The following HDX variants were observed in gnomAD, a reference collection of about 807,000 sequenced individuals.
HDX encodes the protein chromosome X open reading frame 43.
A neutral mutation model predicts 45.2 loss-of-function variants in HDX; 19 were observed. The observed-to-expected ratio is 0.42, with a 90% CI of 0.29 to 0.62. The LOEUF is 0.62. Ranked by LOEUF, HDX falls within the 20% of genes least tolerant of loss-of-function variation. HDX has a pLI of 0.20. For synonymous variants in HDX, 188 were observed against 172.8 expected, an observed-to-expected ratio of 1.09 and a Z score of -0.69; for missense variants, 532 against 493.9, an observed-to-expected ratio of 1.08 and a Z score of -0.73.
intron 1 of HDX, among the ~76,000 whole-genome samples, chrX:84,495,817 G>T (rs2040988527): frequency 9.0e-6 from 1 of 111,610 alleles, no homozygotes; most frequent in Non-Finnish European, 1.9e-5. Context: ...CTCTAGAGGT[G>T]CCAAAAAGGA....
chrX:84,399,469 A>G (rs1378112311), intron 5 of HDX, among the ~76,000 whole-genome samples: 1 of 111,314 alleles, frequency 9.0e-6, no homozygotes, highest in Non-Finnish European at 1.9e-5. Flanking sequence ...TCTAGAAGAA[A>G]TGGATAAATT....
chrX:84,467,752 T>C (rs2040380531), intron 4 of HDX, among the ~76,000 whole-genome samples: 1 of 111,568 alleles, frequency 9.0e-6, no homozygotes, highest in East Asian at 2.8e-4. Context: ...GAATTATCTA[T>C]AGGATAAGAG....
At chrX:84,381,122 T>G (rs1273799906) in intron 5 of HDX, among the ~76,000 whole-genome samples, 1 of 110,580 alleles carries the variant, frequency 9.0e-6, no homozygotes, top group East Asian at 2.8e-4. Context: ...ATAGCCACAA[T>G]AAATACGTAG....
chrX:84,463,165 T>C (rs1340061883), intron 4 of HDX, among the ~76,000 whole-genome samples: 3 of 110,787 alleles, frequency 2.7e-5, no homozygotes, highest in African/African-American at 9.8e-5. Flanking sequence ...AATTTTATAT[T>C]ATGTAATATA....
At chrX:84,358,697 T>A (rs1036350248) in intron 6 of HDX, among the ~76,000 whole-genome samples, 1 of 111,925 alleles carries the variant, frequency 8.9e-6, no homozygotes, top group Non-Finnish European at 1.9e-5. Context: ...AAATCTCTAC[T>A]CAAAAATTCT....
rs149334859 is a variant in HDX at position 84,367,074 on chromosome X, G to A, written c.1306-5462C>T. Among the ~76,000 whole-genome samples, 75 of 111,912 alleles carry A rather than the reference G, an allele frequency of 6.7e-4. No individual in the cohort carries two copies. The East Asian group carries it at 0.014, about 22-fold the overall frequency. ...AGAGTGAACAGGCAACCTACAGAAT[G>A]GGAGAACATTTTTGCAATCTGCCCA... On this transcript the variant is annotated intron_variant, in intron 5 of 10. Coordinates refer to ENST00000373177, the MANE Select transcript of HDX (RefSeq NM_001177479.2).
At chrX:84,337,724 T>G (rs1435482932) in intron 7 of HDX, among the ~76,000 whole-genome samples, 2 of 111,708 alleles carry the variant, frequency 1.8e-5, no homozygotes, top group East Asian at 5.6e-4. Flanking sequence ...TTATTGTATT[T>G]CCCAGTACTT....
intron 5 of HDX, among the ~76,000 whole-genome samples, chrX:84,418,784 A>G (rs944549996): frequency 1.8e-5 from 2 of 111,353 alleles, no homozygotes; most frequent in African/African-American, 6.5e-5. Flanking sequence ...GGCACATGAC[A>G]TACTGAAACA....
intron 5 of HDX, among the ~76,000 whole-genome samples, chrX:84,426,724 G>A (rs2039391056): frequency 9.1e-6 from 1 of 110,461 alleles, no homozygotes; most frequent in South Asian, 3.8e-4. Context: ...GAGATCTAAT[G>A]TATAGCATGG....
chrX:84,430,918 T>C (rs1253147632), intron 5 of HDX, among the ~76,000 whole-genome samples: 1 of 110,488 alleles, frequency 9.1e-6, no homozygotes, highest in African/African-American at 3.3e-5. Flanking sequence ...ATTTGCTATT[T>C]AGGTAAGTTG....
chrX:84,498,477 A>C (rs991195648), intron 1 of HDX, among the ~76,000 whole-genome samples: 5 of 111,623 alleles, frequency 4.5e-5, no homozygotes, highest in Non-Finnish European at 7.5e-5. Flanking sequence ...ACCTAGATAT[A>C]GTGTACTCAA....
At chrX:84,391,974 G>A (rs777701264) in intron 5 of HDX, among the ~76,000 whole-genome samples, 2 of 111,229 alleles carry the variant, frequency 1.8e-5, no homozygotes, top group African/African-American at 6.5e-5. Context: ...GTGTTTTGTT[G>A]TCTGTGCCTT....
chrX:84,468,190 C>T (rs1052130291), intron 4 of HDX, among the ~76,000 whole-genome samples: 6 of 111,608 alleles, frequency 5.4e-5, no homozygotes, highest in Admixed American at 1.9e-4. Context: ...ATGGGAAATT[C>T]CATGCTACCC....
intron 4 of HDX, among the ~76,000 whole-genome samples, chrX:84,459,772 A>C (rs772928854): frequency 8.9e-6 from 1 of 111,928 alleles, no homozygotes; most frequent in South Asian, 3.7e-4. Flanking sequence ...AAAAAATATA[A>C]GAAAATTGAC....
intron 5 of HDX, among the ~76,000 whole-genome samples, chrX:84,372,448 T>G (rs1291318895): frequency 8.9e-6 from 1 of 111,834 alleles, no homozygotes; most frequent in Non-Finnish European, 1.9e-5. Context: ...TTCACATTAT[T>G]GAGTATCTAC....
At chrX:84,386,157 A>G (rs1288142229) in intron 5 of HDX, among the ~76,000 whole-genome samples, 1 of 111,441 alleles carries the variant, frequency 9.0e-6, no homozygotes. Context: ...TATCACATTC[A>G]TTGATTTATG....
intron 5 of HDX, among the ~76,000 whole-genome samples, chrX:84,434,496 A>T (rs946211765): frequency 2.7e-5 from 3 of 111,721 alleles, no homozygotes; most frequent in Non-Finnish European, 5.7e-5. Flanking sequence ...TGTATGTTAA[A>T]CCATTCTTGC....
intron 4 of HDX, among the ~76,000 whole-genome samples, chrX:84,449,643 T>G (rs750117015): frequency 9.0e-6 from 1 of 111,649 alleles, no homozygotes; most frequent in South Asian, 3.8e-4. Context: ...ACCACTAGAC[T>G]CACCCTGAAA....
At chrX:84,484,102 A>G (rs902681010) in intron 2 of HDX, among the ~76,000 whole-genome samples, 1 of 111,909 alleles carries the variant, frequency 8.9e-6, no homozygotes, top group South Asian at 3.7e-4. Context: ...AGGAAGTTAC[A>G]AATTTTCTCA....
Sources: allele counts gnomAD v4.1 joint callset (sites outside exome capture counted in the v4.1 genomes callset), GRCh38; gene constraint gnomAD v4.1.1; transcripts MANE v1.5; gene names NCBI Gene and HGNC (gene_info 2026-07-23, HGNC 2026-07-21).